The following SDK2 variants were observed in gnomAD, a reference collection of about 807,000 sequenced individuals.
The protein encoded by SDK2 is protein sidekick-2.
Under a neutral mutation model 253.9 loss-of-function variants are expected in SDK2, and 105 were observed. The observed-to-expected ratio is 0.41, with a 90% confidence interval of 0.35 to 0.49. The LOEUF (loss-of-function observed/expected upper bound fraction) is 0.49, where lower values mean the gene tolerates loss of function less well. Among genes scored for constraint, SDK2 ranks in the 20% least tolerant of loss-of-function variants. SDK2 has a pLI of 0.06. For missense variants in SDK2, 2,608 were observed against 3,003.0 expected (o/e 0.87, Z 3.07); for synonymous variants, 1,249 against 1,234.9 (o/e 1.01, Z -0.24).
At position 73,496,700 on chromosome 17, in the gene SDK2, T is replaced by G. The variant is rs749980299; in HGVS notation, c.224+10738A>C. ...TCTTGGGTCAGCCATGTCTCCCACT[T>G]CCTAGGGCAACTGGCTCAACCTGTC... On this transcript the variant is annotated intron_variant, in intron 2 of 44. Transcript: ENST00000392650. The surrounding 1 kb of genome is among the most constrained non-coding windows in gnomAD (Gnocchi z 4.7). 2.0e-5 allele frequency among the ~76,000 whole-genome samples: 3 copies of G among 152,002 alleles called. No individual in the cohort carries two copies. Among genetic ancestry groups the G allele is most frequent in the Admixed American group, 6.6e-5 (1 of 15,254 alleles).
intron 1 of SDK2, among the ~76,000 whole-genome samples, chr17:73,626,054 A>C (rs2046196464): frequency 6.7e-6 from 1 of 148,550 alleles, no homozygotes; most frequent in South Asian, 2.2e-4. Flanking sequence ...GGAGGCCAAG[A>C]CCTGAGCACT....
chr17:73,515,313 G>A (rs969456035), intron 1 of SDK2, among the ~76,000 whole-genome samples: 1 of 152,178 alleles, frequency 6.6e-6, no homozygotes, highest in Non-Finnish European at 1.5e-5. Flanking sequence ...GAGAGGGACG[G>A]GGGACATTCA....
In SDK2 at chr17:73,352,606, G is replaced by A. The variant is rs2062549101; in HGVS notation, c.5625C>T (p.Asp1875=). The A allele has an allele frequency of 1.2e-6, 2 of 1,613,920 alleles. No individual in the cohort carries two copies. The highest frequency in any genetic ancestry group is 1.7e-5 in the Admixed American group (1 of 60,006). The part of the protein sequence containing the change: ...DEGLWDILIK[D]IPKEVSSYTF... Reference sequence around the variant, plus strand: ...TGTAGGAGCTCACCTCCTTGGGGATGTCTTTGATGAGGATGTCCCATAGTC... The same window carrying A: ...TGTAGGAGCTCACCTCCTTGGGGATATCTTTGATGAGGATGTCCCATAGTC... Residue 1875 remains aspartate (D), a synonymous_variant, in exon 41 of 45, where the codon GAC becomes GAT. Transcript: ENST00000392650. This position sits in a 1 kb window ranked among gnomAD's most constrained non-coding sequence, Gnocchi z 4.1.
chr17:73,624,378 A>T (rs1331742461), intron 1 of SDK2, among the ~76,000 whole-genome samples: 1 of 152,194 alleles, frequency 6.6e-6, no homozygotes, highest in African/African-American at 2.4e-5. Context: ...CTATAGTCCC[A>T]GCTACTTGGA....
At chr17:73,404,286 C>G (rs767668986) in intron 18 of SDK2, among the ~76,000 whole-genome samples, 1 of 152,060 alleles carries the variant, frequency 6.6e-6, no homozygotes, top group Admixed American at 6.6e-5. Flanking sequence ...TCCAGTTGCA[C>G]GTGGAGAGGA....
In SDK2 at chr17:73,361,697, C is replaced by T. The variant is rs373585421; in HGVS notation, c.5454G>A (p.Thr1818=). The change falls in exon 39 of 45, where the codon ACG becomes ACA. Residue 1818 remains threonine, a synonymous_variant. Coordinates refer to ENST00000392650, the MANE Select transcript of SDK2 (RefSeq NM_001144952.2). The surrounding 1 kb of genome is among the most constrained non-coding windows in gnomAD (Gnocchi z 4.1). ...TTGCTCTCCTACCTTCTCCGGGGCC[C>T]GTGGTGACGTTGGCTTCGATCTCCG... ...YGPEIEANVT[T]GPGEGAPGPP... is the part of the protein sequence containing the mutation. The T allele has an allele frequency of 3.1e-5, 50 of 1,611,586 alleles. No homozygotes were observed. Among genetic ancestry groups the T allele is most frequent in the African/African-American group, 8.0e-5 (6 of 74,872 alleles).
chr17:73,468,814 C>T (rs185831548), intron 3 of SDK2, among the ~76,000 whole-genome samples: 5 of 147,084 alleles, frequency 3.4e-5, no homozygotes, highest in African/African-American at 1.3e-4. Context: ...CTTGAGCCAC[C>T]GCACCCAGCC....
intron 18 of SDK2, among the ~76,000 whole-genome samples, chr17:73,406,436 G>A: frequency 6.6e-6 from 1 of 151,990 alleles, no homozygotes; most frequent in East Asian, 1.9e-4. Context: ...TTTTAATGGA[G>A]ATGGGATTTC....
At chr17:73,390,732 C>T (rs895949391) in intron 28 of SDK2, among the ~76,000 whole-genome samples, 6 of 152,162 alleles carry the variant, frequency 3.9e-5, no homozygotes, top group Non-Finnish European at 7.4e-5. Context: ...CCCGTAACAG[C>T]CCCAAGTGAA....
chr17:73,345,263 G>A (rs2062473047), intron 44 of SDK2, among the ~76,000 whole-genome samples: 1 of 151,960 alleles, frequency 6.6e-6, no homozygotes, highest in Non-Finnish European at 1.5e-5. Flanking sequence ...AGATTGCAGT[G>A]AGCTGAGATC....
chr17:73,447,666 C>T lies in SDK2; in HGVS notation c.562G>A (p.Asp188Asn), dbSNP rs1214913524. Residue 188 changes from aspartate to asparagine, a missense_variant, in exon 5 of 45, where the codon GAC (aspartate) becomes AAC (asparagine). By Grantham distance (23) the Asp-to-Asn change is conservative. Coordinates refer to ENST00000392650, the MANE Select transcript of SDK2 (RefSeq NM_001144952.2). This position sits in a 1 kb window ranked among gnomAD's most constrained non-coding sequence, Gnocchi z 4.0. ...CTGGTCTTGTTATCCCCGTTTTTGT[C>T]GTTAACAGCCTGCACATAGTAGCGA... is the stretch of plus-strand genomic sequence containing the variant. Reference protein sequence around the residue: ...AGRYYVQAVNDKNGDNKTSQP... With the variant: ...AGRYYVQAVNNKNGDNKTSQP... 3.9e-6 allele frequency: 6 copies of T among 1,551,654 alleles called. No homozygotes were observed. Among genetic ancestry groups the T allele is most frequent in the Non-Finnish European group, 5.2e-6 (6 of 1,147,032 alleles).
intron 24 of SDK2, among the ~76,000 whole-genome samples, chr17:73,396,940 A>AGATT: frequency 6.6e-6 from 1 of 152,340 alleles, no homozygotes; most frequent in South Asian, 2.1e-4. Flanking sequence ...AACTGCAATC[A>AGATT]ATAACTCATA....
chr17:73,440,266 T>C (rs2063404427), intron 6 of SDK2, among the ~76,000 whole-genome samples: 1 of 151,990 alleles, frequency 6.6e-6, no homozygotes, highest in Middle Eastern at 3.2e-3. Context: ...ACACCACACC[T>C]GGCTAATTTT....
rs868104432 is a variant in SDK2 at position 73,338,153 on chromosome 17, G to A, written c.*434C>T. 12 of 292,564 alleles carry A rather than the reference G, an allele frequency of 4.1e-5. No individual in the cohort carries two copies. In the Middle Eastern group the frequency reaches 4.3e-3, roughly 105 times the overall value. The allele number at this position is 292,564 out of a possible 1,614,324, so 18.1% of individuals were successfully genotyped here. On this transcript the variant is annotated 3_prime_UTR_variant, in exon 45 of 45. Coordinates refer to ENST00000392650, the MANE Select transcript of SDK2 (RefSeq NM_001144952.2). The surrounding 1 kb of genome is among the most constrained non-coding windows in gnomAD (Gnocchi z 5.0). Reference sequence around the variant, plus strand: ...ATTCTTTTTGCAGAGAGCAGCGGCAGTGGGTCCAGGGGTCCTGGAGGGGCT... The same window carrying A: ...ATTCTTTTTGCAGAGAGCAGCGGCAATGGGTCCAGGGGTCCTGGAGGGGCT...
At chr17:73,345,693 G>A (rs757072211) in intron 44 of SDK2, among the ~76,000 whole-genome samples, 10 of 152,214 alleles carry the variant, frequency 6.6e-5, no homozygotes, top group Admixed American at 3.9e-4. Flanking sequence ...GAATGGGGGC[G>A]GGATGCATTT....
rs955715344 is a variant in SDK2, at chr17:73,395,222, G to C, written c.3525C>G (p.Val1175=). The C allele has an allele frequency of 1.9e-6, 3 of 1,612,910 alleles. No individual in the cohort carries two copies. The highest frequency in any genetic ancestry group is 1.7e-6 in the Non-Finnish European group (2 of 1,179,600). ...CGCTCCCGATGGCGTTGAAGGCCTG[G>C]ACCTGGACGCGGTACTCTGTCCACT... ...LEEWTEYRVQ[V]QAFNAIGSGP... Residue 1175 remains valine (V), a synonymous_variant, in exon 25 of 45, where the codon GTC becomes GTG. Coordinates refer to ENST00000392650, the MANE Select transcript of SDK2 (RefSeq NM_001144952.2). This position sits in a 1 kb window ranked among gnomAD's most constrained non-coding sequence, Gnocchi z 4.3.
At position 73,435,699 on chromosome 17, in the gene SDK2, A is replaced by G. The variant is rs925627522; in HGVS notation, c.1001-55T>C. On this transcript the variant is annotated intron_variant, in intron 8 of 44. Transcript: ENST00000392650. The surrounding 1 kb of genome is among the most constrained non-coding windows in gnomAD (Gnocchi z 5.7). ...CCTGCCTCCTGCCTCCTCTCCGCCTAGGAGGGGTGCTTGGGAGGAGGCCGG... is the reference window on the plus strand; with the variant it reads ...CCTGCCTCCTGCCTCCTCTCCGCCTGGGAGGGGTGCTTGGGAGGAGGCCGG... The G allele has an allele frequency of 1.9e-5, 28 of 1,465,680 alleles. 1 individual carries two copies. The highest frequency in any genetic ancestry group is 3.8e-4 in the Middle Eastern group (2 of 5,312). The allele number at this position is 1,465,680 out of a possible 1,614,324, so 90.8% of individuals were successfully genotyped here.
rs1045065741 is a variant in SDK2 at position 73,616,963 on chromosome 17, G to A, written c.64+27062C>T. 6.6e-6 allele frequency among the ~76,000 whole-genome samples: 1 copy of A among 152,054 alleles called. No individual in the cohort carries two copies. Among genetic ancestry groups the A allele is most frequent in the Admixed American group, 6.5e-5 (1 of 15,278 alleles). ...AGAAAAGGTGCTGGGATGAGAGGGCGGGTTTTCACAGGCCCATGCATGGCA... is the reference window on the plus strand; with the variant it reads ...AGAAAAGGTGCTGGGATGAGAGGGCAGGTTTTCACAGGCCCATGCATGGCA... On this transcript the variant is annotated intron_variant, in intron 1 of 44. Transcript: ENST00000392650. This position sits in a 1 kb window ranked among gnomAD's most constrained non-coding sequence, Gnocchi z 5.2.
At chr17:73,602,033 C>T (rs530979096) in intron 1 of SDK2, among the ~76,000 whole-genome samples, 35 of 152,322 alleles carry the variant, frequency 2.3e-4, no homozygotes, top group South Asian at 1.7e-3. Flanking sequence ...CGTGAGCCGC[C>T]GCGCCCAGCC....
Sources: allele counts gnomAD v4.1 joint callset (sites outside exome capture counted in the v4.1 genomes callset), GRCh38; gene constraint gnomAD v4.1.1; non-coding constraint Gnocchi (gnomAD v3.1); transcripts MANE v1.5; gene names NCBI Gene and HGNC (gene_info 2026-07-23, HGNC 2026-07-21).